The following ITK variants were observed in gnomAD, a reference collection of about 807,000 sequenced individuals.
ITK encodes the protein IL2 inducible T cell kinase.
ITK carries 45 observed loss-of-function variants against 87.6 expected under a neutral mutation model. The observed-to-expected ratio is 0.51, with a 90% CI of 0.40 to 0.66. ITK has a LOEUF of 0.66. Ranked by LOEUF, ITK falls within the 30% of genes least tolerant of loss-of-function variation. ITK has a pLI of 0.00. For missense variants in ITK, 605 were observed against 766.3 expected (o/e 0.79, Z 2.48); for synonymous variants, 303 against 273.6 (o/e 1.11, Z -1.06).
chr5:157,227,989 C>T (rs1344688594), intron 6 of ITK, among the ~76,000 whole-genome samples: 1 of 151,760 alleles, frequency 6.6e-6, no homozygotes, highest in Non-Finnish European at 1.5e-5. Context: ...TACCACCACA[C>T]CCGGCTAATT....
intron 1 of ITK, among the ~76,000 whole-genome samples, chr5:157,188,846 G>A (rs973391866): frequency 6.6e-6 from 1 of 152,098 alleles, no homozygotes; most frequent in African/African-American, 2.4e-5. Flanking sequence ...TTATTTGTTA[G>A]GTTTATGGAT....
intron 8 of ITK, among the ~76,000 whole-genome samples, chr5:157,237,195 A>G (rs13158276): frequency 0.25 from 38,097 of 152,210 alleles, 5,314 homozygotes; most frequent in East Asian, 0.54. Context: ...CATGTACACC[A>G]TGGGGTAACA....
At position 157,180,950 on chromosome 5, in the gene ITK, A is replaced by G. The variant is rs1753499717; in HGVS notation, c.-28A>G. ...TGGTTGTGCTAAGAGGTGATGCCCAAGGTGCACCACCTTTCAAGAACTGGA... is the reference window on the plus strand; with the variant it reads ...TGGTTGTGCTAAGAGGTGATGCCCAGGGTGCACCACCTTTCAAGAACTGGA... On this transcript the variant is annotated 5_prime_UTR_variant, in exon 1 of 17. Coordinates refer to ENST00000422843, the MANE Select transcript of ITK (RefSeq NM_005546.4). The G allele has an allele frequency of 6.2e-7, 1 of 1,611,104 alleles. No homozygotes were observed. Among genetic ancestry groups the G allele is most frequent in the Non-Finnish European group, 8.5e-7 (1 of 1,177,408 alleles).
At chr5:157,185,455 T>A (rs192241868) in intron 1 of ITK, among the ~76,000 whole-genome samples, 128 of 152,176 alleles carry the variant, frequency 8.4e-4, no homozygotes, top group African/African-American at 2.9e-3. Flanking sequence ...ATTGGCCAGC[T>A]GGTCTCGAAC....
intron 7 of ITK, among the ~76,000 whole-genome samples, chr5:157,229,160 T>C (rs1168648645): frequency 6.6e-6 from 1 of 152,228 alleles, no homozygotes; most frequent in African/African-American, 2.4e-5. Flanking sequence ...TGCCAACTAA[T>C]GAATGATAAA....
At position 157,180,882 on chromosome 5, in the gene ITK, A is replaced by G. The variant is rs1753497852; in HGVS notation, c.-96A>G. ...GCCCTTGAGCAGCTCTCTGAAGATC[A>G]ACTGCCTCCACATTGCATTCTTTGC... On this transcript the variant is annotated 5_prime_UTR_variant, in exon 1 of 17. Transcript: ENST00000422843. 8.1e-7 allele frequency: 1 copy of G among 1,230,738 alleles called. No individual in the cohort carries two copies. Among genetic ancestry groups the G allele is most frequent in the Middle Eastern group, 1.9e-4 (1 of 5,364 alleles). 76.2% of individuals were successfully genotyped at this position (1,230,738 alleles called of 1,614,324 possible).
At chr5:157,245,837 G>A (rs890382747) in intron 14 of ITK, 44 bp from the exon 15 acceptor site, 2 of 1,607,610 alleles carry the variant, frequency 1.2e-6, no homozygotes, top group Admixed American at 1.7e-5. Context: ...ATGGGACTGA[G>A]GCCCCCGGAA....
In ITK at chr5:157,237,958, G is replaced by T; in HGVS notation, c.769-151G>T. The T allele has an allele frequency of 1.3e-5, 9 of 683,416 alleles. No homozygotes were observed. The South Asian group carries it at 1.4e-4, about 10-fold the overall frequency. 42.3% of individuals were successfully genotyped at this position (683,416 alleles called of 1,614,324 possible). A position where few individuals can be genotyped will look rare whatever the true frequency, so the allele number is the denominator to read the frequency against. On this transcript the variant is annotated intron_variant, in intron 8 of 16. Coordinates refer to ENST00000422843, the MANE Select transcript of ITK (RefSeq NM_005546.4). ...AAGAAATATCTACGGAAGGACAGGA[G>T]TAAATGAAACGGTAGCCATTCTTAC...
chr5:157,197,053 C>T (rs1753866525), intron 1 of ITK, among the ~76,000 whole-genome samples: 1 of 152,186 alleles, frequency 6.6e-6, no homozygotes, highest in Non-Finnish European at 1.5e-5. Flanking sequence ...ATGTTTTCAA[C>T]ATGCTAGGAT....
rs533252659 is a variant in ITK at position 157,217,907 on chromosome 5, G to T, written c.495G>T (p.Arg165Ser). The change falls in exon 5 of 17, where the codon AGG becomes AGT. Residue 165 changes from arginine (R) to serine (S), a missense_variant and splice_region_variant. Coordinates refer to ENST00000422843, the MANE Select transcript of ITK (RefSeq NM_005546.4). The part of the protein sequence containing the change: ...KPLPPTPEDN[R>S]RPLWEPEETV... ...TTCCTCCTACTCCTGAAGACAACAG[G>T]GTGAGTGAGAGCGCTAGCTCCGGGT... The T allele has an allele frequency of 6.2e-7, 1 of 1,613,730 alleles. No homozygotes were observed. Among genetic ancestry groups the T allele is most frequent in the East Asian group, 2.2e-5 (1 of 44,878 alleles).
intron 16 of ITK, among the ~76,000 whole-genome samples, chr5:157,250,726 C>G (rs1264402551): frequency 6.6e-6 from 1 of 152,056 alleles, no homozygotes; most frequent in Non-Finnish European, 1.5e-5. Context: ...CCATGCTGCC[C>G]AGGTGAGTTC....
chr5:157,208,577 C>T (rs1297938642), intron 1 of ITK, among the ~76,000 whole-genome samples: 1 of 152,166 alleles, frequency 6.6e-6, no homozygotes, highest in Non-Finnish European at 1.5e-5. Flanking sequence ...ATGGATTTCT[C>T]TACGCATCTC....
At chr5:157,223,081 T>C in intron 6 of ITK, 67 bp downstream of exon 6, 1 of 1,577,456 alleles carries the variant, frequency 6.3e-7, no homozygotes, top group South Asian at 1.1e-5. Flanking sequence ...AATACCAGGA[T>C]GATTTGTCCT....
At chr5:157,201,101 A>G (rs1753962459) in intron 1 of ITK, among the ~76,000 whole-genome samples, 1 of 152,130 alleles carries the variant, frequency 6.6e-6, no homozygotes, top group South Asian at 2.1e-4. Context: ...ATAAATGTCA[A>G]AAAAGAACAT....
At chr5:157,199,660 G>T (rs969676933) in intron 1 of ITK, 2 of 152,156 alleles carry the variant, frequency 1.3e-5, no homozygotes, top group Non-Finnish European at 2.9e-5. Context: ...GAGCTTGTAC[G>T]CTGCTCTTCT....
intron 15 of ITK, among the ~76,000 whole-genome samples, chr5:157,246,627 C>T (rs1755024165): frequency 6.6e-6 from 1 of 152,092 alleles, no homozygotes; most frequent in Admixed American, 6.6e-5. Flanking sequence ...AGTAATGGGG[C>T]AGAGTGACTA....
intron 7 of ITK, among the ~76,000 whole-genome samples, chr5:157,229,590 C>T (rs1754607845): frequency 6.6e-6 from 1 of 152,118 alleles, no homozygotes; most frequent in South Asian, 2.1e-4. Context: ...AGGAAAGACA[C>T]AACAGGCTGA....
At chr5:157,185,822 C>A (rs1554099653) in intron 1 of ITK, among the ~76,000 whole-genome samples, 1 of 152,104 alleles carries the variant, frequency 6.6e-6, no homozygotes, top group Non-Finnish European at 1.5e-5. Context: ...CCAGCCTGGG[C>A]AACAGGCTGA....
chr5:157,237,841 A>C (rs1754807974), intron 8 of ITK, among the ~76,000 whole-genome samples: 1 of 152,240 alleles, frequency 6.6e-6, no homozygotes, highest in Non-Finnish European at 1.5e-5. Flanking sequence ...AGTCTGATAC[A>C]TGGGGAGCTC....
Sources: allele counts gnomAD v4.1 joint callset (sites outside exome capture counted in the v4.1 genomes callset), GRCh38; gene constraint gnomAD v4.1.1; transcripts MANE v1.5; gene names NCBI Gene and HGNC (gene_info 2026-07-23, HGNC 2026-07-21).